Variants in ANXA8 observed in about 807,000 individuals in gnomAD.
The protein encoded by ANXA8 is VAC-beta.
A neutral mutation model predicts 26.8 loss-of-function variants in ANXA8; 9 were observed. That is an observed-to-expected ratio of 0.34 (90% CI 0.20 to 0.59). ANXA8 has a LOEUF of 0.59. Ranked by LOEUF, ANXA8 falls within the 20% of genes least tolerant of loss-of-function variation. The pLI is 0.84. For missense variants in ANXA8, 83 were observed against 238.5 expected (o/e 0.35, Z 4.29); for synonymous variants, 39 against 94.8 (o/e 0.41, Z 3.42).
the ANXA8 span, among the ~76,000 whole-genome samples, chr10:47,614,145 A>G: frequency 5.4e-5 from 4 of 74,456 alleles, 1 homozygote; most frequent in African/African-American, 1.5e-4. Flanking sequence ...GTCTTATATC[A>G]TACCTCTCTA....
chr10:47,657,187 C>A, the ANXA8 span, among the ~76,000 whole-genome samples: 1 of 151,596 alleles, frequency 6.6e-6, no homozygotes, highest in Non-Finnish European at 1.5e-5. Context: ...ATCCAAATAG[C>A]TATTTCACTT....
the ANXA8 span, among the ~76,000 whole-genome samples, chr10:47,530,571 T>TA: frequency 6.6e-6 from 1 of 150,688 alleles, no homozygotes; most frequent in African/African-American, 2.4e-5. Flanking sequence ...CAGGCGCCTG[T>TA]AATCCCAGCT....
the ANXA8 span, among the ~76,000 whole-genome samples, chr10:47,586,789 T>TC: frequency 6.8e-6 from 1 of 146,192 alleles, no homozygotes; most frequent in Non-Finnish European, 1.5e-5. Context: ...TTATTTTCTA[T>TC]CTCCCACTTC....
the ANXA8 span, among the ~76,000 whole-genome samples, chr10:47,925,713 T>G: frequency 6.9e-6 from 1 of 144,682 alleles, no homozygotes; most frequent in Non-Finnish European, 1.5e-5. Flanking sequence ...CACATTAAAG[T>G]TTGAGAAGCT....
the ANXA8 span, among the ~76,000 whole-genome samples, chr10:47,682,117 A>G: frequency 6.8e-6 from 1 of 147,960 alleles, no homozygotes; most frequent in East Asian, 2.0e-4. Flanking sequence ...CAGTCTTGAG[A>G]GTCTCAAATG....
chr10:47,934,809 C>T, the ANXA8 span, among the ~76,000 whole-genome samples: 3 of 35,996 alleles, frequency 8.3e-5, 1 homozygote, highest in Admixed American at 7.4e-4. Context: ...CTCCATTCAA[C>T]TCTTCCCGGG....
the ANXA8 span, among the ~76,000 whole-genome samples, chr10:47,734,358 C>T: frequency 7.2e-6 from 1 of 138,604 alleles, no homozygotes. Flanking sequence ...ACATGATTCA[C>T]GCTGAGAGCT....
At chr10:47,672,525 G>GC in the ANXA8 span, among the ~76,000 whole-genome samples, 8 of 151,380 alleles carry the variant, frequency 5.3e-5, no homozygotes, top group Non-Finnish European at 1.0e-4. Context: ...AATCATATTT[G>GC]CTCCCTATCA....
At chr10:47,676,823 C>A in the ANXA8 span, among the ~76,000 whole-genome samples, 14 of 147,116 alleles carry the variant, frequency 9.5e-5, no homozygotes, top group Non-Finnish European at 3.0e-5. Context: ...GAGGCTGAGG[C>A]AGGAGAATCA....
At chr10:47,954,685 T>G in the ANXA8 span, among the ~76,000 whole-genome samples, 1 of 150,348 alleles carries the variant, frequency 6.7e-6, no homozygotes, top group Admixed American at 6.6e-5. Context: ...ACACCTACTA[T>G]GTACCCATAA....
At chr10:47,627,269 A>G in the ANXA8 span, among the ~76,000 whole-genome samples, 1 of 150,050 alleles carries the variant, frequency 6.7e-6, no homozygotes, top group Non-Finnish European at 1.5e-5. Flanking sequence ...CATTTAATCA[A>G]ACCCAGTTTC....
chr10:47,633,840 C>G, the ANXA8 span, among the ~76,000 whole-genome samples: 20 of 149,652 alleles, frequency 1.3e-4, 1 homozygote, highest in Non-Finnish European at 2.4e-4. Flanking sequence ...AAATACCACT[C>G]AAATGTTTTT....
At chr10:47,508,101 G>T in the ANXA8 span, among the ~76,000 whole-genome samples, 13 of 127,732 alleles carry the variant, frequency 1.0e-4, 2 homozygotes, top group Admixed American at 5.1e-4. Context: ...TTTCGCTCTT[G>T]TTGCCCAGGC....
the ANXA8 span, among the ~76,000 whole-genome samples, chr10:47,594,064 A>G: frequency 4.7e-5 from 7 of 147,670 alleles, no homozygotes; most frequent in Non-Finnish European, 2.9e-5. Flanking sequence ...TCAGGCCTTC[A>G]GCCACAGACT....
At chr10:47,544,189 T>G in the ANXA8 span, among the ~76,000 whole-genome samples, 3,610 of 151,202 alleles carry the variant, frequency 0.024, 113 homozygotes, top group African/African-American at 0.083. Context: ...CCTCCCATTT[T>G]CCTAAACATC....
chr10:47,744,439 AG>A, the ANXA8 span, among the ~76,000 whole-genome samples: 6 of 23,796 alleles, frequency 2.5e-4, no homozygotes, highest in Admixed American at 6.4e-4. Flanking sequence ...GGAGGGGGGA[AG>A]AGGGGGGGCC....
At chr10:47,892,424 C>T in the ANXA8 span, among the ~76,000 whole-genome samples, 1 of 118,158 alleles carries the variant, frequency 8.5e-6, no homozygotes, top group Admixed American at 9.7e-5. Flanking sequence ...CAAAGCTACT[C>T]TGTTTTCTTC....
chr10:47,711,854 G>A, the ANXA8 span, among the ~76,000 whole-genome samples: 9,844 of 37,682 alleles, frequency 0.26, 1,266 homozygotes, highest in East Asian at 0.49. Flanking sequence ...TATTGAAAAC[G>A]TATGAATCCA....
At chr10:47,679,857 G>T in the ANXA8 span, among the ~76,000 whole-genome samples, 1 of 151,920 alleles carries the variant, frequency 6.6e-6, no homozygotes, top group Non-Finnish European at 1.5e-5. Context: ...GGTTGAGGCT[G>T]CAGTGAACTG....
Sources: gnomAD v4.1 joint callset for allele counts (sites outside exome capture counted in the v4.1 genomes callset) on GRCh38, gnomAD v4.1.1 for gene constraint, MANE v1.5 for transcripts, NCBI Gene and HGNC (gene_info 2026-07-23, HGNC 2026-07-21) for gene names.